The following HSDL2 variants were observed in gnomAD, a reference collection of about 807,000 sequenced individuals.
HSDL2 encodes the protein hydroxysteroid dehydrogenase-like protein 2.
A neutral mutation model predicts 46.3 loss-of-function variants in HSDL2; 27 were observed. The observed-to-expected ratio is 0.58, with a 90% CI of 0.43 to 0.80. The LOEUF (loss-of-function observed/expected upper bound fraction) is 0.80, where lower values mean the gene tolerates loss of function less well. HSDL2 is among the 30% of genes least tolerant of loss of function. The pLI, the probability that HSDL2 is intolerant of heterozygous loss-of-function variation, is 0.00. For missense variants in HSDL2, 451 were observed against 502.7 expected, an observed-to-expected ratio of 0.90 and a Z score of 0.98; for synonymous variants, 153 against 163.6, an observed-to-expected ratio of 0.94 and a Z score of 0.50.
chr9:112,384,637 G>GT (rs1831179738), intron 1 of HSDL2, among the ~76,000 whole-genome samples: 1 of 151,758 alleles, frequency 6.6e-6, no homozygotes. Context: ...GGCTGTTGTG[G>GT]TAAACTGAGG....
At chr9:112,447,569 G>C (rs1324986441) in intron 8 of HSDL2, among the ~76,000 whole-genome samples, 1 of 152,146 alleles carries the variant, frequency 6.6e-6, no homozygotes. Context: ...CGAAACACAT[G>C]ACCTGCCTTT....
intron 6 of HSDL2, among the ~76,000 whole-genome samples, chr9:112,421,276 G>C (rs1478500318): frequency 6.6e-6 from 1 of 152,110 alleles, no homozygotes; most frequent in Non-Finnish European, 1.5e-5. Flanking sequence ...GTAGTGAGCC[G>C]TGATCATGCC....
chr9:112,380,915 C>T lies in HSDL2; in HGVS notation c.17+735C>T, dbSNP rs1014715545. ...GGTCTGGGTATCTTGAGTTGAGTGACGTGTTGTCAGATTTTGTAATTTGCC... is the reference window on the plus strand; with the variant it reads ...GGTCTGGGTATCTTGAGTTGAGTGATGTGTTGTCAGATTTTGTAATTTGCC... On this transcript the variant is annotated intron_variant, in intron 1 of 10. Coordinates refer to ENST00000398805, the MANE Select transcript of HSDL2 (RefSeq NM_032303.5). Among the ~76,000 whole-genome samples the T allele has an allele frequency of 2.0e-5, 3 of 152,270 alleles. No homozygotes were observed. The South Asian group carries it at 6.2e-4, about 32-fold the overall frequency.
intron 7 of HSDL2, among the ~76,000 whole-genome samples, chr9:112,439,208 G>A (rs1394695805): frequency 2.6e-5 from 4 of 152,206 alleles, no homozygotes; most frequent in Non-Finnish European, 5.9e-5. Context: ...ATGTTGCCCA[G>A]GCTGGTCTTG....
chr9:112,467,762 GTTGTCAAATGTA>G (rs1833435714), intron 10 of HSDL2, among the ~76,000 whole-genome samples: 1 of 152,090 alleles, frequency 6.6e-6, no homozygotes, highest in Non-Finnish European at 1.5e-5. Flanking sequence ...AGTTTTCTAC[GTTGTCAAATGTA>G]TCAGCTTGTG....
intron 3 of HSDL2, 56 bp downstream of exon 3, chr9:112,405,778 A>G (rs113865100): frequency 6.5e-6 from 7 of 1,070,852 alleles, no homozygotes; most frequent in African/African-American, 4.8e-5. Flanking sequence ...AGGTATAACT[A>G]TAATGTTAAT....
intron 4 of HSDL2, among the ~76,000 whole-genome samples, chr9:112,410,864 C>T (rs895310238): frequency 1.3e-5 from 2 of 152,068 alleles, no homozygotes; most frequent in Admixed American, 6.6e-5. Context: ...GGGAGGTGGA[C>T]GTTGCTGTGA....
chr9:112,460,640 C>A (rs1190418076), intron 10 of HSDL2, among the ~76,000 whole-genome samples: 1 of 152,060 alleles, frequency 6.6e-6, no homozygotes, highest in African/African-American at 2.4e-5. Context: ...TCCCCAGCTA[C>A]TCCAGTTAAG....
chr9:112,438,794 AGATGAATG>A, intron 7 of HSDL2, 169 bp downstream of exon 7: 1 of 483,654 alleles, frequency 2.1e-6, no homozygotes, highest in Non-Finnish European at 3.7e-6. Flanking sequence ...TTAAAAAAAA[AGATGAATG>A]AAAAATAGAG....
chr9:112,390,220 T>C (rs184073988), intron 1 of HSDL2, among the ~76,000 whole-genome samples: 1 of 152,234 alleles, frequency 6.6e-6, no homozygotes, highest in African/African-American at 2.4e-5. Context: ...ATAAAGCTGT[T>C]TTAATTAAGG....
In HSDL2 at chr9:112,454,018, G is replaced by A. The variant is rs754611451; in HGVS notation, c.871G>A (p.Val291Ile). 3.1e-6 allele frequency: 5 copies of A among 1,613,504 alleles called. No individual in the cohort carries two copies. The South Asian group carries it at 5.5e-5, about 18-fold the overall frequency. The change falls in exon 9 of 11, where the codon GTT (valine) becomes ATT (isoleucine). Residue 291 changes from valine (V) to isoleucine (I), a missense_variant. Val to Ile is a conservative substitution (Grantham distance 29). Coordinates refer to ENST00000398805, the MANE Select transcript of HSDL2 (RefSeq NM_032303.5). ...VSKKVESTGA[V>I]PEFKEEKLQL... is the part of the protein sequence containing the mutation. ...GCTTCAATAATATCTTATAGGTGCT[G>A]TTCCAGAATTCAAAGAAGAGAAACT...
At chr9:112,469,641 T>TGG (rs60995928) in intron 10 of HSDL2, 17,327 of 126,142 alleles carry the variant, frequency 0.14, 1,487 homozygotes, top group East Asian at 0.21. Context: ...TACTCCAGCC[T>TGG]GGGAGACAGA....
intron 5 of HSDL2, among the ~76,000 whole-genome samples, 157 bp from the exon 6 acceptor site, chr9:112,418,703 A>G (rs1235150576): frequency 6.6e-6 from 1 of 151,842 alleles, no homozygotes; most frequent in Non-Finnish European, 1.5e-5. Context: ...ATGTATATGT[A>G]TATACACACA....
Position 112,424,276 on chromosome 9 carries a change from G to A in HSDL2, c.598+5318G>A, listed in dbSNP as rs560296850. Reference sequence around the variant, plus strand: ...GCAGAGCTTGCAGTGAGCCGAGATCGTGCCACTGCACTCCAGCCGGGGCGA... The same window carrying A: ...GCAGAGCTTGCAGTGAGCCGAGATCATGCCACTGCACTCCAGCCGGGGCGA... On this transcript the variant is annotated intron_variant, in intron 6 of 10. Transcript: ENST00000398805. Among the ~76,000 whole-genome samples the A allele has an allele frequency of 3.5e-3, 525 of 150,050 alleles. 6 individuals carry two copies. The highest frequency in any genetic ancestry group is 0.014 in the Middle Eastern group (4 of 288).
At chr9:112,434,387 G>A (rs1270248581) in intron 6 of HSDL2, among the ~76,000 whole-genome samples, 1 of 152,222 alleles carries the variant, frequency 6.6e-6, no homozygotes, top group Non-Finnish European at 1.5e-5. Context: ...GCTAACCAGG[G>A]AGGGTGAGGC....
At chr9:112,393,950 C>G (rs200816112) in intron 1 of HSDL2, among the ~76,000 whole-genome samples, 3 of 152,134 alleles carry the variant, frequency 2.0e-5, no homozygotes, top group East Asian at 1.9e-4. Context: ...TTTGAATCTA[C>G]GTTGATACTG....
chr9:112,440,085 G>A (rs1311875357), intron 7 of HSDL2, among the ~76,000 whole-genome samples: 1 of 152,202 alleles, frequency 6.6e-6, no homozygotes, highest in Non-Finnish European at 1.5e-5. Context: ...CTAATAGGTG[G>A]CAGAACCTGA....
chr9:112,395,350 G>C (rs1831432590), intron 1 of HSDL2, among the ~76,000 whole-genome samples: 1 of 152,204 alleles, frequency 6.6e-6, no homozygotes, highest in Non-Finnish European at 1.5e-5. Flanking sequence ...AAGTCTTCTA[G>C]TGGGCACCCA....
At chr9:112,433,260 TTC>T (rs1357232336) in intron 6 of HSDL2, among the ~76,000 whole-genome samples, 2 of 152,122 alleles carry the variant, frequency 1.3e-5, no homozygotes, top group African/African-American at 2.4e-5. Context: ...GGAAAATACT[TTC>T]TGTGCGGTGG....
Sources: allele counts gnomAD v4.1 joint callset (sites outside exome capture counted in the v4.1 genomes callset), GRCh38; gene constraint gnomAD v4.1.1; transcripts MANE v1.5; gene names NCBI Gene and HGNC (gene_info 2026-07-23, HGNC 2026-07-21).